The following PHF2 variants were observed in gnomAD, a reference collection of about 807,000 sequenced individuals.
The protein encoded by PHF2 is PHD finger protein 2.
In PHF2, 27 loss-of-function variants were observed where a neutral mutation model predicts 120.5. The ratio of observed to expected loss-of-function variants is 0.22; its 90% CI spans 0.17 to 0.31. The LOEUF (loss-of-function observed/expected upper bound fraction) is 0.31. Among genes scored for constraint, PHF2 ranks in the 10% least tolerant of loss-of-function variants. The pLI is 1.00. For synonymous variants in PHF2, 568 were observed against 592.5 expected, an observed-to-expected ratio of 0.96 and a Z score of 0.60; for missense variants, 1,024 against 1,434.8, an observed-to-expected ratio of 0.71 and a Z score of 4.63.
intron 1 of PHF2, among the ~76,000 whole-genome samples, chr9:93,603,619 G>A (rs1448126238): frequency 1.3e-5 from 2 of 152,148 alleles, no homozygotes; most frequent in East Asian, 1.9e-4. Context: ...TGGGACACCC[G>A]TCATCTGCAG....
chr9:93,602,131 C>CAGAGA (rs1825450370), intron 1 of PHF2, among the ~76,000 whole-genome samples: 2 of 152,014 alleles, frequency 1.3e-5, no homozygotes, highest in African/African-American at 4.8e-5. Flanking sequence ...TCTTCCAGTT[C>CAGAGA]ACGAGTTCTC....
At chr9:93,589,008 G>A (rs182818246) in intron 1 of PHF2, among the ~76,000 whole-genome samples, 3 of 152,320 alleles carry the variant, frequency 2.0e-5, no homozygotes, top group African/African-American at 7.2e-5. Flanking sequence ...GCCACTTGAA[G>A]GGCCATCCTT....
At chr9:93,583,150 G>T (rs146781052) in intron 1 of PHF2, among the ~76,000 whole-genome samples, 3 of 152,112 alleles carry the variant, frequency 2.0e-5, no homozygotes, top group Admixed American at 6.5e-5. Context: ...TATTTCATAC[G>T]AATAGAATCA....
intron 1 of PHF2, among the ~76,000 whole-genome samples, chr9:93,625,202 A>G (rs1420597257): frequency 6.6e-6 from 1 of 152,196 alleles, no homozygotes; most frequent in African/African-American, 2.4e-5. Flanking sequence ...TAAACATATT[A>G]TCATTTCATG....
chr9:93,630,514 G>A (rs536425348), intron 2 of PHF2, among the ~76,000 whole-genome samples: 2 of 152,150 alleles, frequency 1.3e-5, no homozygotes, highest in East Asian at 3.9e-4. Flanking sequence ...TTCCAGCCCC[G>A]CCTCATGCCA....
chr9:93,637,081 A>G (rs748794410), intron 3 of PHF2, among the ~76,000 whole-genome samples: 2 of 152,242 alleles, frequency 1.3e-5, no homozygotes, highest in African/African-American at 2.4e-5. Context: ...AGCTGGAGTC[A>G]GTTTCTGTTT....
intron 17 of PHF2, among the ~76,000 whole-genome samples, chr9:93,671,436 AG>A (rs1312544823): frequency 1.9e-5 from 2 of 106,546 alleles, no homozygotes; most frequent in Non-Finnish European, 3.9e-5. Flanking sequence ...GTGTAGATGC[AG>A]GTGGGTGTGG....
chr9:93,592,809 C>T (rs921379417), intron 1 of PHF2, among the ~76,000 whole-genome samples: 2 of 152,104 alleles, frequency 1.3e-5, no homozygotes, highest in East Asian at 1.9e-4. Flanking sequence ...AGCACCAGTA[C>T]GTGGCCTTGC....
intron 12 of PHF2, among the ~76,000 whole-genome samples, chr9:93,660,882 G>A (rs1229011828): frequency 1.3e-5 from 2 of 152,240 alleles, no homozygotes; most frequent in African/African-American, 4.8e-5. Context: ...TGTGGCAGAG[G>A]TGGCACCCAA....
intron 17 of PHF2, chr9:93,672,570 G>T: frequency 4.1e-6 from 4 of 984,926 alleles, no homozygotes; most frequent in South Asian, 4.7e-5. Flanking sequence ...GCAGGTATGG[G>T]TGTAGGTGTA....
intron 1 of PHF2, among the ~76,000 whole-genome samples, chr9:93,627,397 A>G (rs78174934): frequency 0.063 from 9,570 of 151,548 alleles, 415 homozygotes; most frequent in Non-Finnish European, 0.09. Context: ...CTGTGTATGG[A>G]TTCCTTTAGA....
chr9:93,608,418 A>G (rs1271454018), intron 1 of PHF2, among the ~76,000 whole-genome samples: 1 of 139,548 alleles, frequency 7.2e-6, no homozygotes, highest in Admixed American at 7.1e-5. Flanking sequence ...TTTTTCTTGT[A>G]ATGTGTTTGG....
At chr9:93,590,536 CTTG>C (rs374784062) in intron 1 of PHF2, among the ~76,000 whole-genome samples, 40 of 152,334 alleles carry the variant, frequency 2.6e-4, no homozygotes, top group African/African-American at 9.1e-4. Context: ...TTGTTTGACT[CTTG>C]TTGTGAGGCC....
rs543021656 is a variant in PHF2 at position 93,672,084 on chromosome 9, G to T, written c.2349-1501G>T. On this transcript the variant is annotated intron_variant, in intron 17 of 21. Transcript: ENST00000359246. ...GGAGTAGGTACAGGTGTAGATGCAGGTGTGGGTGTGGATGTAGGTACAGGT... is the reference window on the plus strand; with the variant it reads ...GGAGTAGGTACAGGTGTAGATGCAGTTGTGGGTGTGGATGTAGGTACAGGT... Among the ~76,000 whole-genome samples, 389 of 130,474 alleles carry T rather than the reference G, an allele frequency of 3.0e-3. 6 individuals carry two copies. The highest frequency in any genetic ancestry group is 0.01 in the African/African-American group (324 of 31,526). The allele number at this position is 130,474 out of a possible 152,430, so 85.6% of individuals were successfully genotyped here.
chr9:93,642,787 T>G (rs1826191147), intron 3 of PHF2, among the ~76,000 whole-genome samples: 1 of 152,214 alleles, frequency 6.6e-6, no homozygotes, highest in Admixed American at 6.5e-5. Context: ...TTAGTAGCAT[T>G]TCTTCTGTAT....
chr9:93,618,328 G>A (rs962635992), intron 1 of PHF2, among the ~76,000 whole-genome samples: 14 of 152,224 alleles, frequency 9.2e-5, no homozygotes, highest in African/African-American at 2.9e-4. Flanking sequence ...ACTGAACCAC[G>A]CACACATGAC....
chr9:93,588,311 A>G (rs565421299), intron 1 of PHF2, among the ~76,000 whole-genome samples: 28 of 152,158 alleles, frequency 1.8e-4, no homozygotes, highest in Admixed American at 6.5e-4. Context: ...GTTGGGGACC[A>G]TGGGACTGCG....
intron 1 of PHF2, among the ~76,000 whole-genome samples, chr9:93,592,881 A>C (rs1825254837): frequency 6.6e-6 from 1 of 152,006 alleles, no homozygotes; most frequent in African/African-American, 2.4e-5. Context: ...CCTAGCTGGT[A>C]CCATCCCAGC....
intron 1 of PHF2, among the ~76,000 whole-genome samples, chr9:93,620,308 T>C (rs1303643667): frequency 3.9e-5 from 6 of 152,218 alleles, no homozygotes; most frequent in Admixed American, 2.0e-4. Context: ...TGGGTCCTCA[T>C]GGAGCCTCTG....
Sources: gnomAD v4.1 joint callset for allele counts (sites outside exome capture counted in the v4.1 genomes callset) on GRCh38, gnomAD v4.1.1 for gene constraint, MANE v1.5 for transcripts, NCBI Gene and HGNC (gene_info 2026-07-23, HGNC 2026-07-21) for gene names.